DNHD1: variants seen among roughly 807,000 people sequenced by gnomAD.
The protein encoded by DNHD1 is dynein heavy chain domain-containing protein 1.
A neutral mutation model predicts 458.1 loss-of-function variants in DNHD1; 383 were observed. The observed-to-expected ratio is 0.84, with a 90% CI of 0.77 to 0.91. The LOEUF (loss-of-function observed/expected upper bound fraction) is 0.91. Ranked by LOEUF, DNHD1 falls within the 40% of genes least tolerant of loss-of-function variation. The probability of loss-of-function intolerance (pLI) is 0.00; values close to 1 mark genes in which losing one functional copy is unlikely to be tolerated. For synonymous variants in DNHD1, 2,203 were observed against 2,376.9 expected (o/e 0.93, Z 2.13); for missense variants, 5,336 against 5,866.1 (o/e 0.91, Z 2.95).
chr11:6,538,328 A>C (rs1589881091), intron 14 of DNHD1, 55 bp from the exon 15 acceptor site: 4 of 1,522,430 alleles, frequency 2.6e-6, no homozygotes, highest in East Asian at 2.5e-5. Context: ...TCATTCCACC[A>C]CCCCCCTCCC....
Position 6,538,422 on chromosome 11 carries a change from G to A in DNHD1, c.3038G>A (p.Arg1013His), listed in dbSNP as rs1478817797. The A allele has an allele frequency of 4.5e-6, 7 of 1,551,616 alleles. No individual in the cohort carries two copies. The highest frequency in any genetic ancestry group is 2.4e-5 in the East Asian group (1 of 40,932). Residue 1013 changes from arginine to histidine, a missense_variant, in exon 15 of 43, where the codon CGT becomes CAT. Arg to His is a conservative substitution (Grantham distance 29, BLOSUM62 0). Around this residue, in one of 4 missense-constraint regions of DNHD1, gnomAD observed 3,932 missense variants for 4,365.6 expected, o/e 0.90. Transcript: ENST00000254579. ...TPVPLPICGTRPIVQQQRIWH... is the reference protein window; with the variant it reads ...TPVPLPICGTHPIVQQQRIWH... Reference sequence around the variant, plus strand: ...GTGCCCTTGCCAATCTGTGGGACACGTCCTATTGTGCAGCAGCAGCGCATA... The same window carrying A: ...GTGCCCTTGCCAATCTGTGGGACACATCCTATTGTGCAGCAGCAGCGCATA...
At position 6,570,803 on chromosome 11, in the gene DNHD1, G is replaced by A. The variant is rs1853828159; in HGVS notation, c.13291G>A (p.Gly4431Ser). The stretch of plus-strand genomic sequence containing the variant: ...CGTGTGGGTTCCTGAGTCTCGAAGA[G>A]GCGCCCAGCTTGCGGAAAGGCGACT... ...SPVWVPESRR[G>S]AQLAERRLRQ... The change falls in exon 42 of 43, where the codon GGC (glycine) becomes AGC (serine). Residue 4431 changes from glycine (G) to serine (S), a missense_variant. By Grantham distance (56) the Gly-to-Ser change is moderately conservative. Transcript: ENST00000254579. The A allele has an allele frequency of 6.2e-7, 1 of 1,613,712 alleles. No homozygotes were observed. The highest frequency in any genetic ancestry group is 8.5e-7 in the Non-Finnish European group (1 of 1,179,800).
intron 18 of DNHD1, among the ~76,000 whole-genome samples, chr11:6,542,383 G>C (rs12365019): frequency 0.81 from 122,840 of 152,214 alleles, 50,363 homozygotes; most frequent in East Asian, 0.89. Flanking sequence ...TCTGGATAAT[G>C]TGGGCCTTGG....
Position 6,565,719 on chromosome 11 carries a change from A to G in DNHD1, c.10781A>G (p.Lys3594Arg). Residue 3594 changes from lysine to arginine, a missense_variant, in exon 33 of 43, where the codon AAG (lysine) becomes AGG (arginine). Around this residue, in one of 4 missense-constraint regions of DNHD1, gnomAD observed 695 missense variants for 804.2 expected, o/e 0.86. Coordinates refer to ENST00000254579, the MANE Select transcript of DNHD1 (RefSeq NM_144666.3). ...GGGAAAGGCCTCATGAGAAATCAAA[A>G]GAGAGAGAGTAAAACGGACATGAAA... ...GRGKGLMRNQ[K>R]RESKTDMKEE... is the part of the protein sequence containing the mutation. The G allele has an allele frequency of 3.2e-6, 5 of 1,549,044 alleles. No individual in the cohort carries two copies. The South Asian group carries it at 6.0e-5, about 19-fold the overall frequency.
In DNHD1 at chr11:6,498,829, C is replaced by T. The variant is rs140861406; in HGVS notation, c.614C>T (p.Ala205Val). The change falls in exon 3 of 43, where the codon GCC (alanine) becomes GTC (valine). Residue 205 changes from alanine to valine, a missense_variant. Ala to Val is a moderately conservative substitution (Grantham distance 64). This residue lies in a region of DNHD1 where 3,932 missense variants were observed against 4,365.6 expected (regional missense o/e 0.90). Transcript: ENST00000254579. Reference protein sequence around the residue: ...RCLGIVGAQVALEEAVWLDGL... With the variant: ...RCLGIVGAQVVLEEAVWLDGL... ...CTGGGCATTGTTGGTGCTCAGGTGG[C>T]CCTAGAAGAGGCTGTGTGGCTGGAT... The T allele has an allele frequency of 4.5e-5, 73 of 1,614,094 alleles. No homozygotes were observed. Among genetic ancestry groups the T allele is most frequent in the African/African-American group, 6.7e-5 (5 of 74,936 alleles).
Position 6,544,978 on chromosome 11 carries a change from A to G in DNHD1, c.4039A>G (p.Ser1347Gly). The change falls in exon 21 of 43, where the codon AGC becomes GGC. Residue 1347 changes from serine to glycine, a missense_variant. Ser to Gly is a moderately conservative substitution (Grantham distance 56). Coordinates refer to ENST00000254579, the MANE Select transcript of DNHD1 (RefSeq NM_144666.3). ...ELEGIIMSLE[S>G]VLYGVCAHFP... The stretch of plus-strand genomic sequence containing the variant: ...GGAGGGCATCATCATGAGTCTGGAG[A>G]GCGTGCTCTATGGGGTGTGTGCTCA... The G allele has an allele frequency of 5.8e-6, 9 of 1,551,638 alleles. No individual in the cohort carries two copies. The highest frequency in any genetic ancestry group is 7.8e-6 in the Non-Finnish European group (9 of 1,146,976).
At chr11:6,528,378 G>T in intron 10 of DNHD1, 144 bp from the exon 11 acceptor site, 2 of 1,009,422 alleles carry the variant, frequency 2.0e-6, no homozygotes, top group Non-Finnish European at 2.8e-6. Context: ...AGATGTATGT[G>T]TTAACTCACT....
At chr11:6,553,597 AT>A (rs1238266010) in intron 24 of DNHD1, among the ~76,000 whole-genome samples, 6 of 152,174 alleles carry the variant, frequency 3.9e-5, no homozygotes, top group African/African-American at 1.2e-4. Flanking sequence ...CCAAAGGAAT[AT>A]TTTTTTAAAC....
Position 6,569,733 on chromosome 11 carries a change from A to T in DNHD1, c.12864-276A>T, listed in dbSNP as rs117889670. On this transcript the variant is annotated intron_variant, in intron 39 of 42. Transcript: ENST00000254579. ...GGTAGTAGCCATGGAAGGGATAGAG[A>T]ATAAATATGGGGTGAAGAGGAAGGA... Among the ~76,000 whole-genome samples the T allele has an allele frequency of 3.3e-5, 5 of 152,174 alleles. No individual in the cohort carries two copies. The East Asian group carries it at 9.7e-4, about 29-fold the overall frequency.
Position 6,568,098 on chromosome 11 carries a change from T to C in DNHD1, c.12394T>C (p.Trp4132Arg). Residue 4132 changes from tryptophan (W) to arginine (R), a missense_variant, in exon 37 of 43, where the codon TGG (tryptophan) becomes CGG (arginine). Around this residue, in one of 4 missense-constraint regions of DNHD1, gnomAD observed 695 missense variants for 804.2 expected, o/e 0.86. Coordinates refer to ENST00000254579, the MANE Select transcript of DNHD1 (RefSeq NM_144666.3). ...LQVIALGSEA[W>R]DPVSVVVSTL... ...GGTGATAGCCCTGGGCTCTGAAGCC[T>C]GGGACCCAGTCTCAGTTGTGGTCAG... is the stretch of plus-strand genomic sequence containing the variant. 1 of 1,574,766 alleles carries C rather than the reference T, an allele frequency of 6.4e-7. No homozygotes were observed. Among genetic ancestry groups the C allele is most frequent in the Non-Finnish European group, 8.6e-7 (1 of 1,159,174 alleles).
intron 24 of DNHD1, among the ~76,000 whole-genome samples, chr11:6,551,736 A>C (rs563026715): frequency 6.6e-6 from 1 of 152,064 alleles, no homozygotes; most frequent in Non-Finnish European, 1.5e-5. Flanking sequence ...AGGTCAGGAG[A>C]TGGAGACCAT....
intron 18 of DNHD1, among the ~76,000 whole-genome samples, chr11:6,542,705 C>T (rs1278022578): frequency 1.3e-5 from 2 of 152,210 alleles, no homozygotes; most frequent in Non-Finnish European, 2.9e-5. Flanking sequence ...ATATTTAATT[C>T]TTACCTCAAG....
rs868568962 is a variant in DNHD1 at position 6,545,953 on chromosome 11, G to A, written c.5014G>A (p.Val1672Ile). The A allele has an allele frequency of 1.9e-6, 3 of 1,551,782 alleles. No homozygotes were observed. The South Asian group carries it at 3.6e-5, about 18-fold the overall frequency. ...PSLLPERPAL[V>I]LLLALEEVAC... ...CCTACTGCCTGAACGGCCAGCCCTG[G>A]TACTATTATTGGCCCTAGAGGAGGT... Residue 1672 changes from valine to isoleucine, a missense_variant, in exon 21 of 43, where the codon GTA (valine) becomes ATA (isoleucine). Val to Ile is a conservative substitution (Grantham distance 29). This residue lies in a region of DNHD1 where 3,932 missense variants were observed against 4,365.6 expected (regional missense o/e 0.90). Coordinates refer to ENST00000254579, the MANE Select transcript of DNHD1 (RefSeq NM_144666.3). This position sits in a 1 kb window ranked among gnomAD's most constrained non-coding sequence, Gnocchi z 4.9.
At chr11:6,549,113 A>C in intron 24 of DNHD1, 180 bp downstream of exon 24, 1 of 679,620 alleles carries the variant, frequency 1.5e-6, no homozygotes, top group Admixed American at 3.0e-5. Context: ...TCATGGCCTC[A>C]TCTCTGCTTT....
At chr11:6,569,058 CAGGTAG>C (rs1853775662) in intron 39 of DNHD1, among the ~76,000 whole-genome samples, 192 bp downstream of exon 39, 1 of 152,172 alleles carries the variant, frequency 6.6e-6, no homozygotes, top group African/African-American at 2.4e-5. Context: ...AGAGGCAAAT[CAGGTAG>C]AGATGGGCCT....
In DNHD1 at chr11:6,498,480, G is replaced by A. The variant is rs762495986; in HGVS notation, c.265G>A (p.Gly89Ser). 6.2e-7 allele frequency: 1 copy of A among 1,614,152 alleles called. No individual in the cohort carries two copies. Among genetic ancestry groups the A allele is most frequent in the Non-Finnish European group, 8.5e-7 (1 of 1,180,028 alleles). The change falls in exon 3 of 43, where the codon GGT becomes AGT. Residue 89 changes from glycine (G) to serine (S), a missense_variant. Around this residue, in one of 4 missense-constraint regions of DNHD1, gnomAD observed 3,932 missense variants for 4,365.6 expected, o/e 0.90. Transcript: ENST00000254579. ...TTGGCGCTATCTTCATGCAGTACTGGGTCTACTGCCTCCATATCGTGAGTT... is the reference window on the plus strand; with the variant it reads ...TTGGCGCTATCTTCATGCAGTACTGAGTCTACTGCCTCCATATCGTGAGTT... Reference protein sequence around the residue: ...AAWRYLHAVLGLLPPYRELLV... With the variant: ...AAWRYLHAVLSLLPPYRELLV...
chr11:6,567,961 A>G (rs1011194546), intron 36 of DNHD1, 95 bp from the exon 37 acceptor site: 2 of 1,484,894 alleles, frequency 1.3e-6, no homozygotes, highest in African/African-American at 2.8e-5. Context: ...TGTACTACGT[A>G]GGGACTTTGG....
chr11:6,558,732 C>T, intron 26 of DNHD1, 39 bp downstream of exon 26: 3 of 1,541,472 alleles, frequency 1.9e-6, no homozygotes, highest in Non-Finnish European at 2.6e-6. Context: ...TCATCTCTAC[C>T]AGGCTCTAAT....
chr11:6,539,171 C>A, intron 16 of DNHD1, 48 bp from the exon 17 acceptor site: 2 of 1,331,650 alleles, frequency 1.5e-6, no homozygotes, highest in Non-Finnish European at 2.1e-6. Flanking sequence ...ATGGGTTGGA[C>A]TCTGCCACAT....
Sources: allele counts gnomAD v4.1 joint callset (sites outside exome capture counted in the v4.1 genomes callset), GRCh38; gene constraint gnomAD v4.1.1; regional missense constraint gnomAD v4.1.1; non-coding constraint Gnocchi (gnomAD v3.1); transcripts MANE v1.5; gene names NCBI Gene and HGNC (gene_info 2026-07-23, HGNC 2026-07-21).